Variants in RALGAPB observed in about 807,000 individuals in gnomAD.
RALGAPB encodes the protein Ral GTPase activating protein non-catalytic subunit beta.
RALGAPB carries 25 observed loss-of-function variants against 161.1 expected under a neutral mutation model. The ratio of observed to expected loss-of-function variants is 0.16; its 90% CI spans 0.11 to 0.22. The LOEUF is 0.22. Among genes scored for constraint, RALGAPB ranks in the 10% least tolerant of loss-of-function variants. RALGAPB has a pLI of 1.00. For synonymous variants in RALGAPB, 629 were observed against 626.1 expected, an observed-to-expected ratio of 1.00 and a Z score of -0.07; for missense variants, 1,391 against 1,815.2, an observed-to-expected ratio of 0.77 and a Z score of 4.25.
At chr20:38,497,583 G>C in intron 4 of RALGAPB, 67 bp downstream of exon 4, 2 of 1,498,702 alleles carry the variant, frequency 1.3e-6, no homozygotes, top group Non-Finnish European at 1.8e-6. Context: ...TAAACTCAGT[G>C]AGCGGTAGAC....
intron 13 of RALGAPB, among the ~76,000 whole-genome samples, chr20:38,529,928 G>A (rs2086600329): frequency 6.6e-6 from 1 of 152,124 alleles, no homozygotes; most frequent in African/African-American, 2.4e-5. Flanking sequence ...AAGATAAATC[G>A]TCTCAACTGT....
intron 21 of RALGAPB, 63 bp from the exon 22 acceptor site, chr20:38,553,801 ACAC>A: frequency 1.2e-6 from 1 of 861,950 alleles, no homozygotes; most frequent in Non-Finnish European, 1.7e-6. Context: ...AAAAAAAAAA[ACAC>A]TTAAGATTGG....
chr20:38,537,014 A>G (rs1010873392), intron 16 of RALGAPB, among the ~76,000 whole-genome samples: 2 of 152,212 alleles, frequency 1.3e-5, no homozygotes, highest in Non-Finnish European at 2.9e-5. Flanking sequence ...TAGTACACTC[A>G]GTAGTAAGCA....
chr20:38,545,997 G>A (rs745769091), intron 18 of RALGAPB, among the ~76,000 whole-genome samples: 2 of 152,170 alleles, frequency 1.3e-5, no homozygotes, highest in Non-Finnish European at 2.9e-5. Context: ...GACTGGAAAG[G>A]CAGATTAAAT....
chr20:38,546,262 G>T lies in RALGAPB; in HGVS notation c.2734G>T (p.Ala912Ser), dbSNP rs374734373. 2 of 1,613,904 alleles carry T rather than the reference G, an allele frequency of 1.2e-6. No individual in the cohort carries two copies. Among genetic ancestry groups the T allele is most frequent in the South Asian group, 2.2e-5 (2 of 91,084 alleles). ...TLTCIMQLLG[A>S]FPSPSGPASP... ...CCATAGCATTATGCAGTTGCTCGGC[G>T]CATTTCCTTCACCTAGTGGTCCTGC... The change falls in exon 19 of 30, where the codon GCA becomes TCA. Residue 912 changes from alanine to serine, a missense_variant. Physicochemically the swap from Ala to Ser is moderately conservative, Grantham distance 99. Transcript: ENST00000262879.
At chr20:38,505,470 G>A (rs1165548137) in intron 5 of RALGAPB, among the ~76,000 whole-genome samples, 2 of 152,106 alleles carry the variant, frequency 1.3e-5, no homozygotes, top group African/African-American at 2.4e-5. Flanking sequence ...CAGATGATGG[G>A]ATCATTTGTA....
At chr20:38,491,433 C>G (rs1030124659) in intron 2 of RALGAPB, among the ~76,000 whole-genome samples, 3 of 152,086 alleles carry the variant, frequency 2.0e-5, no homozygotes, top group Admixed American at 1.3e-4. Context: ...TACTGTTACT[C>G]TGTCATGTGA....
chr20:38,575,094 A>C lies in RALGAPB; in HGVS notation c.*127A>C, dbSNP rs1222553956. 1.2e-6 allele frequency: 1 copy of C among 825,062 alleles called. No homozygotes were observed. Among genetic ancestry groups the C allele is most frequent in the Admixed American group, 2.7e-5 (1 of 37,534 alleles). 51.1% of individuals were successfully genotyped at this position (825,062 alleles called of 1,614,324 possible). On this transcript the variant is annotated 3_prime_UTR_variant, in exon 30 of 30. Coordinates refer to ENST00000262879, the MANE Select transcript of RALGAPB (RefSeq NM_020336.4). ...AAGAGCTTACTGTTTAATCACCAGA[A>C]TAGAAGAAACACATTATAACCCATT...
chr20:38,474,950 T>G (rs1002896766), intron 1 of RALGAPB, among the ~76,000 whole-genome samples: 1 of 152,220 alleles, frequency 6.6e-6, no homozygotes, highest in Non-Finnish European at 1.5e-5. Flanking sequence ...TTATAGAGTT[T>G]TGTTCTTTTT....
At chr20:38,525,825 T>C in intron 12 of RALGAPB, 70 bp from the exon 13 acceptor site, 13 of 1,484,280 alleles carry the variant, frequency 8.8e-6, no homozygotes, top group Non-Finnish European at 1.2e-5. Context: ...CGTTCCTCCA[T>C]CTAGCTGTTC....
intron 18 of RALGAPB, 95 bp downstream of exon 18, chr20:38,541,287 G>C (rs1456860253): frequency 8.3e-7 from 1 of 1,197,984 alleles, no homozygotes; most frequent in African/African-American, 1.5e-5. Flanking sequence ...GTTCAGCATT[G>C]CGTGATGCAG....
intron 20 of RALGAPB, 142 bp downstream of exon 20, chr20:38,548,937 C>A: frequency 1.5e-6 from 1 of 655,858 alleles, no homozygotes; most frequent in Non-Finnish European, 2.6e-6. Context: ...TCAGAATCAT[C>A]TAGGAACCTA....
intron 1 of RALGAPB, among the ~76,000 whole-genome samples, chr20:38,482,849 A>G (rs2085010868): frequency 6.6e-6 from 1 of 152,114 alleles, no homozygotes; most frequent in African/African-American, 2.4e-5. Flanking sequence ...TTCTTTAATC[A>G]CCACCACAAG....
At chr20:38,486,211 G>A (rs1052251303) in intron 1 of RALGAPB, among the ~76,000 whole-genome samples, 1 of 151,988 alleles carries the variant, frequency 6.6e-6, no homozygotes, top group Admixed American at 6.6e-5. Context: ...GACCTCAGGT[G>A]ATCCACCCAC....
At chr20:38,541,761 G>C (rs2145393138) in intron 18 of RALGAPB, among the ~76,000 whole-genome samples, 1 of 152,182 alleles carries the variant, frequency 6.6e-6, no homozygotes, top group Middle Eastern at 3.4e-3. Context: ...CTGCAAAAGA[G>C]GTATAAATAA....
intron 22 of RALGAPB, among the ~76,000 whole-genome samples, chr20:38,555,962 A>G (rs1439266850): frequency 2.0e-5 from 3 of 152,164 alleles, no homozygotes; most frequent in Non-Finnish European, 4.4e-5. Context: ...TATCCCAGGA[A>G]CTTAGCAATT....
intron 2 of RALGAPB, among the ~76,000 whole-genome samples, chr20:38,489,584 C>T (rs528756225): frequency 6.6e-6 from 1 of 152,298 alleles, no homozygotes; most frequent in Non-Finnish European, 1.5e-5. Flanking sequence ...AGGATTAAAA[C>T]TTTGTCCCTT....
In RALGAPB at chr20:38,492,997, A is replaced by G. The variant is rs1408682674; in HGVS notation, c.254A>G (p.Tyr85Cys). The G allele has an allele frequency of 1.2e-5, 20 of 1,612,344 alleles. No individual in the cohort carries two copies. The highest frequency in any genetic ancestry group is 1.6e-5 in the Non-Finnish European group (19 of 1,178,500). Reference sequence around the variant, plus strand: ...CCATTGGATGGAGAGACTGTAAAATATTGCGTTGATGTATATACAGACTGG... The same window carrying G: ...CCATTGGATGGAGAGACTGTAAAATGTTGCGTTGATGTATATACAGACTGG... ...TLPLDGETVK[Y>C]CVDVYTDWIM... The change falls in exon 3 of 30, where the codon TAT becomes TGT. Residue 85 changes from tyrosine to cysteine, a missense_variant. By Grantham distance (194) the Tyr-to-Cys change is radical (BLOSUM62 -2). Coordinates refer to ENST00000262879, the MANE Select transcript of RALGAPB (RefSeq NM_020336.4).
chr20:38,492,135 T>C (rs2085298105), intron 2 of RALGAPB, among the ~76,000 whole-genome samples: 1 of 152,212 alleles, frequency 6.6e-6, no homozygotes, highest in African/African-American at 2.4e-5. Context: ...AAAGTCATTT[T>C]GGAAAAAGTT....
Sources: allele counts gnomAD v4.1 joint callset (sites outside exome capture counted in the v4.1 genomes callset), GRCh38; gene constraint gnomAD v4.1.1; transcripts MANE v1.5; gene names NCBI Gene and HGNC (gene_info 2026-07-23, HGNC 2026-07-21).